The following ADGRG6 variants were observed in gnomAD, a reference collection of about 807,000 sequenced individuals.
ADGRG6 encodes adhesion G protein-coupled receptor G6, also known as G-protein coupled receptor 126.
Under a neutral mutation model 142.4 loss-of-function variants are expected in ADGRG6, and 84 were observed. The ratio of observed to expected loss-of-function variants is 0.59; its 90% CI spans 0.49 to 0.71. The LOEUF (loss-of-function observed/expected upper bound fraction) is 0.71, where lower values mean the gene tolerates loss of function less well. Among genes scored for constraint, ADGRG6 ranks in the 30% least tolerant of loss-of-function variants. The pLI, the probability that ADGRG6 is intolerant of heterozygous loss-of-function variation, is 0.00. For missense variants in ADGRG6, 1,367 were observed against 1,466.6 expected, an observed-to-expected ratio of 0.93 and a Z score of 1.11; for synonymous variants, 521 against 520.5, an observed-to-expected ratio of 1.00 and a Z score of -0.01.
chr6:142,391,948 A>G (rs1376823075), intron 7 of ADGRG6, among the ~76,000 whole-genome samples: 1 of 151,914 alleles, frequency 6.6e-6, no homozygotes. Context: ...GCTTACATTT[A>G]TATTTACTTC....
intron 4 of ADGRG6, among the ~76,000 whole-genome samples, chr6:142,375,483 G>C (rs1376095050): frequency 5.3e-5 from 8 of 152,158 alleles, no homozygotes; most frequent in Admixed American, 5.2e-4. Flanking sequence ...AAGAGTCCAA[G>C]TCACTCATTA....
chr6:142,376,395 T>C (rs9496356), intron 4 of ADGRG6, among the ~76,000 whole-genome samples: 2,553 of 152,310 alleles, frequency 0.017, 79 homozygotes, highest in African/African-American at 0.058. Flanking sequence ...GCACTTCCAT[T>C]GGTTAGCTAC....
At chr6:142,314,936 C>G (rs1777956141) in intron 2 of ADGRG6, among the ~76,000 whole-genome samples, 1 of 151,350 alleles carries the variant, frequency 6.6e-6, no homozygotes, top group Non-Finnish European at 1.5e-5. Flanking sequence ...TACCAGAAAC[C>G]TCGAAGACCT....
chr6:142,402,418 G>A (rs1036883626), intron 12 of ADGRG6, among the ~76,000 whole-genome samples: 2 of 152,062 alleles, frequency 1.3e-5, no homozygotes, highest in Admixed American at 6.6e-5. Context: ...CAAGTTATTT[G>A]TATCTTACTA....
intron 2 of ADGRG6, among the ~76,000 whole-genome samples, chr6:142,342,541 C>T (rs574691467): frequency 3.4e-4 from 52 of 152,036 alleles, no homozygotes; most frequent in African/African-American, 1.1e-3. Flanking sequence ...GATACTTTAC[C>T]GTCTAAATAA....
chr6:142,302,250 G>C lies in ADGRG6; in HGVS notation c.-80G>C, dbSNP rs1477001764. On this transcript the variant is annotated 5_prime_UTR_variant, in exon 1 of 25. Coordinates refer to ENST00000367609, the MANE Select transcript of ADGRG6 (RefSeq NM_198569.3). ...GCTGGGGCGCCTGGGTTCCCCCTGG[G>C]TGGAGCAGCGGCAGCAGAGCGGGAA... 1.9e-5 allele frequency: 29 copies of C among 1,562,558 alleles called. No homozygotes were observed. The highest frequency in any genetic ancestry group is 2.7e-5 in the African/African-American group (2 of 74,092).
intron 22 of ADGRG6, among the ~76,000 whole-genome samples, chr6:142,421,676 T>C (rs1776658249): frequency 6.6e-6 from 1 of 152,202 alleles, no homozygotes; most frequent in Admixed American, 6.6e-5. Context: ...ACAGCTACAG[T>C]TGTCTGTTCA....
At chr6:142,384,346 C>T (rs1349427947) in intron 6 of ADGRG6, among the ~76,000 whole-genome samples, 2 of 151,576 alleles carry the variant, frequency 1.3e-5, no homozygotes, top group Non-Finnish European at 1.5e-5. Context: ...TTTTATTTGC[C>T]GAAGAATAAT....
chr6:142,364,031 G>T (rs1780835282), intron 2 of ADGRG6, among the ~76,000 whole-genome samples: 1 of 150,836 alleles, frequency 6.6e-6, no homozygotes, highest in African/African-American at 2.4e-5. Context: ...TCCTTAGAAG[G>T]ATACTAGGCT....
At chr6:142,395,977 C>A (rs989127146) in intron 9 of ADGRG6, among the ~76,000 whole-genome samples, 8 of 152,016 alleles carry the variant, frequency 5.3e-5, no homozygotes, top group African/African-American at 1.9e-4. Flanking sequence ...CTGATGGTAA[C>A]AACAGATAGA....
At chr6:142,430,182 G>A (rs1260917031) in intron 22 of ADGRG6, among the ~76,000 whole-genome samples, 1 of 152,182 alleles carries the variant, frequency 6.6e-6, no homozygotes, top group Non-Finnish European at 1.5e-5. Context: ...ATATCTGCAA[G>A]TCTTCCCTTT....
intron 21 of ADGRG6, among the ~76,000 whole-genome samples, chr6:142,418,952 C>G (rs111894046): frequency 1.9e-4 from 29 of 152,178 alleles, no homozygotes; most frequent in African/African-American, 6.7e-4. Flanking sequence ...AATCTACTAT[C>G]CAATATATAT....
rs1317058623 is a variant in ADGRG6, at chr6:142,370,651, C to T, written c.927C>T (p.Asn309=). ...TCTCTCTAAAAGGGGACATTTATAA[C>T]TTTCGACTTTGGAATTTTACCATGA... ...EIVSLKGDIY[N]FRLWNFTMNA... Residue 309 remains asparagine, a synonymous_variant, in exon 4 of 25, where the codon AAC becomes AAT. Transcript: ENST00000367609. The T allele has an allele frequency of 1.2e-6, 2 of 1,613,672 alleles. No homozygotes were observed. The highest frequency in any genetic ancestry group is 2.7e-5 in the African/African-American group (2 of 74,892).
chr6:142,429,091 C>T (rs1004683210), intron 22 of ADGRG6, among the ~76,000 whole-genome samples: 3 of 151,996 alleles, frequency 2.0e-5, no homozygotes, highest in Non-Finnish European at 4.4e-5. Context: ...TATTCTACTT[C>T]CATTCAAAAA....
chr6:142,408,196 G>A lies in ADGRG6; in HGVS notation c.2315G>A (p.Cys772Tyr). ...ACTTTAGTGAGTTATGTGATGGCGT[G>A]CAGTATTGGAAACATTACTATCCAG... ...RKTLVSYVMACSIGNITIQNL... is the reference protein window; with the variant it reads ...RKTLVSYVMAYSIGNITIQNL... The change falls in exon 16 of 25, where the codon TGC becomes TAC. Residue 772 changes from cysteine to tyrosine, a missense_variant. Transcript: ENST00000367609. 1 of 1,585,394 alleles carries A rather than the reference G, an allele frequency of 6.3e-7. No homozygotes were observed. Among genetic ancestry groups the A allele is most frequent in the Non-Finnish European group, 8.6e-7 (1 of 1,161,308 alleles).
intron 15 of ADGRG6, among the ~76,000 whole-genome samples, chr6:142,406,406 T>C (rs192010181): frequency 4.6e-5 from 7 of 152,334 alleles, no homozygotes; most frequent in Admixed American, 4.6e-4. Context: ...GTGACCTCTG[T>C]TTGCCTTTAC....
chr6:142,342,013 G>C (rs1029202041), intron 2 of ADGRG6, among the ~76,000 whole-genome samples: 2 of 151,976 alleles, frequency 1.3e-5, no homozygotes, highest in Non-Finnish European at 2.9e-5. Context: ...GGTTAGCCTA[G>C]AAAACAGTTT....
intron 4 of ADGRG6, among the ~76,000 whole-genome samples, chr6:142,378,892 T>C (rs1781620534): frequency 6.6e-6 from 1 of 152,252 alleles, no homozygotes; most frequent in African/African-American, 2.4e-5. Flanking sequence ...AAACCACCTC[T>C]GTAAAAGCTG....
At chr6:142,371,208 G>A (rs1037785759) in intron 4 of ADGRG6, among the ~76,000 whole-genome samples, 17 of 152,080 alleles carry the variant, frequency 1.1e-4, no homozygotes, top group African/African-American at 3.9e-4. Flanking sequence ...TGTTGCCCAG[G>A]CTGGAGTGCA....
Sources: gnomAD v4.1 joint callset for allele counts (sites outside exome capture counted in the v4.1 genomes callset) on GRCh38, gnomAD v4.1.1 for gene constraint, MANE v1.5 for transcripts, NCBI Gene and HGNC (gene_info 2026-07-23, HGNC 2026-07-21) for gene names.